RAP1GAP2: variants seen among roughly 807,000 people sequenced by gnomAD.
RAP1GAP2 encodes RAP1 GTPase activating protein 2.
A neutral mutation model predicts 95.0 loss-of-function variants in RAP1GAP2; 27 were observed. That is an observed-to-expected ratio of 0.28 (90% confidence interval 0.21 to 0.39). RAP1GAP2 has a LOEUF of 0.39. Among genes scored for constraint, RAP1GAP2 ranks in the 10% least tolerant of loss-of-function variants. The pLI, the probability that RAP1GAP2 is intolerant of heterozygous loss-of-function variation, is 1.00. For synonymous variants in RAP1GAP2, 373 were observed against 380.9 expected, an observed-to-expected ratio of 0.98 and a Z score of 0.24; for missense variants, 771 against 970.0, an observed-to-expected ratio of 0.79 and a Z score of 2.72.
rs980373306 is a variant in RAP1GAP2, at chr17:3,034,279, C to G, written c.*918C>G. ...GAGCAAAGGAGCCAGTGCTGAGATG[C>G]TGCTGTGTTGGTTGAGGAAAACCTC... On this transcript the variant is annotated 3_prime_UTR_variant, in exon 25 of 25. Transcript: ENST00000254695. This position sits in a 1 kb window ranked among gnomAD's most constrained non-coding sequence, Gnocchi z 5.1. 5.8e-6 allele frequency: 1 copy of G among 171,516 alleles called. No homozygotes were observed. Among genetic ancestry groups the G allele is most frequent in the East Asian group, 1.9e-4 (1 of 5,256 alleles). The allele number at this position is 171,516 out of a possible 1,614,324, so 10.6% of individuals were successfully genotyped here.
upstream of RAP1GAP2, among the ~76,000 whole-genome samples, chr17:2,792,233 G>A (rs373397836): frequency 2.0e-5 from 3 of 152,226 alleles, no homozygotes; most frequent in East Asian, 1.9e-4. Context: ...GCACATGGAA[G>A]AGGAATCACA....
At chr17:2,859,108 C>CTTTT (rs773356177) in intron 2 of RAP1GAP2, among the ~76,000 whole-genome samples, 1 of 130,500 alleles carries the variant, frequency 7.7e-6, no homozygotes, top group Non-Finnish European at 1.6e-5. Context: ...TCCTCCAACT[C>CTTTT]TTTTTTTTTT....
rs1045774112 is a variant in RAP1GAP2 at position 2,984,427 on chromosome 17, C to T, written c.730-556C>T. Among the ~76,000 whole-genome samples, 17 of 152,288 alleles carry T rather than the reference C, an allele frequency of 1.1e-4. 1 individual carries two copies. The highest frequency in any genetic ancestry group is 6.2e-4 in the South Asian group (3 of 4,820). ...CAGTCATCAACTCTATGATGCGTAA[C>T]GGAAAATTAGATAGAACCAGGAGTC... On this transcript the variant is annotated intron_variant, in intron 10 of 24. Transcript: ENST00000254695.
chr17:2,957,142 A>AG (rs1343734768), intron 3 of RAP1GAP2, among the ~76,000 whole-genome samples: 1 of 130,662 alleles, frequency 7.7e-6, no homozygotes, highest in African/African-American at 3.3e-5. Context: ...AAAAAAAAAA[A>AG]GAAAAAAAAA....
At chr17:2,812,687 G>A (rs1057202707) in intron 2 of RAP1GAP2, among the ~76,000 whole-genome samples, 2 of 152,128 alleles carry the variant, frequency 1.3e-5, no homozygotes, top group East Asian at 1.9e-4. Context: ...ACCTGGAGGT[G>A]CTTTTAAAAA....
intron 2 of RAP1GAP2, among the ~76,000 whole-genome samples, chr17:2,810,428 G>A (rs1180945198): frequency 2.0e-5 from 3 of 146,736 alleles, no homozygotes; most frequent in Admixed American, 6.8e-5. Context: ...TGTTACATAT[G>A]TATACATGTG....
intron 2 of RAP1GAP2, among the ~76,000 whole-genome samples, chr17:2,897,916 G>A (rs1030046625): frequency 2.0e-4 from 23 of 117,650 alleles, no homozygotes; most frequent in African/African-American, 6.3e-4. Context: ...CAATTTCTGC[G>A]GAGTCTTTTT....
chr17:2,965,366 C>T lies in RAP1GAP2; in HGVS notation c.493-174C>T, dbSNP rs555294823. ...ATTAAGCCCCTGGCACGGTGCCTGG[C>T]GCCTCCTGAGGATCCGGCCGTCGGT... On this transcript the variant is annotated intron_variant, in intron 7 of 24. Coordinates refer to ENST00000254695, the MANE Select transcript of RAP1GAP2 (RefSeq NM_015085.5). This position sits in a 1 kb window ranked among gnomAD's most constrained non-coding sequence, Gnocchi z 4.7. 1.0e-4 allele frequency: 61 copies of T among 607,660 alleles called. No individual in the cohort carries two copies. Among genetic ancestry groups the T allele is most frequent in the African/African-American group, 7.2e-4 (39 of 54,088 alleles). The allele number at this position is 607,660 out of a possible 1,614,324, so 37.6% of individuals were successfully genotyped here. A position where few individuals can be genotyped will look rare whatever the true frequency, so the allele number is the denominator to read the frequency against.
intron 3 of RAP1GAP2, among the ~76,000 whole-genome samples, chr17:2,951,761 C>A (rs920321837): frequency 1.3e-5 from 2 of 151,874 alleles, no homozygotes; most frequent in Non-Finnish European, 2.9e-5. Flanking sequence ...AGGCTGGGCG[C>A]AGTGGCTCAC....
chr17:3,015,145 G>A (rs1288883247), intron 17 of RAP1GAP2, among the ~76,000 whole-genome samples: 4 of 152,284 alleles, frequency 2.6e-5, no homozygotes, highest in African/African-American at 9.6e-5. Context: ...AATAGAACGC[G>A]CTGACTGTTT....
intron 12 of RAP1GAP2, among the ~76,000 whole-genome samples, chr17:2,992,742 G>A (rs1468774309): frequency 6.6e-6 from 1 of 152,068 alleles, no homozygotes; most frequent in African/African-American, 2.4e-5. Context: ...TTCCTTCTCT[G>A]TCCTTCCTTC....
intron 12 of RAP1GAP2, among the ~76,000 whole-genome samples, chr17:2,993,219 CA>C (rs201866665): frequency 0.14 from 15,234 of 105,436 alleles, 967 homozygotes; most frequent in East Asian, 0.29. Flanking sequence ...GAGACTCTGT[CA>C]AAAAAAAAAA....
intron 3 of RAP1GAP2, among the ~76,000 whole-genome samples, chr17:2,921,456 G>T (rs943625825): frequency 1.3e-5 from 2 of 152,110 alleles, no homozygotes; most frequent in Non-Finnish European, 2.9e-5. Flanking sequence ...ACCCGCCTCA[G>T]CCCCCCAAAG....
chr17:2,827,352 T>C lies in RAP1GAP2; in HGVS notation c.80+26802T>C, dbSNP rs1597384479. On this transcript the variant is annotated intron_variant, in intron 2 of 24. Transcript: ENST00000254695. This position sits in a 1 kb window ranked among gnomAD's most constrained non-coding sequence, Gnocchi z 4.1. ...GACCCTGTTGGGTTTTGTGGCACTT[T>C]CTAGTCAGGGAGGCAGATGAGAACA... Among the ~76,000 whole-genome samples, 1 of 152,094 alleles carries C rather than the reference T, an allele frequency of 6.6e-6. No homozygotes were observed. Among genetic ancestry groups the C allele is most frequent in the Admixed American group, 6.6e-5 (1 of 15,258 alleles).
intron 2 of RAP1GAP2, among the ~76,000 whole-genome samples, chr17:2,811,568 T>C (rs1292092057): frequency 6.6e-6 from 1 of 151,942 alleles, no homozygotes; most frequent in Admixed American, 6.6e-5. Context: ...TTTCTTTGTG[T>C]GTGTATTTTT....
Position 2,860,594 on chromosome 17 carries a change from C to CTTT in RAP1GAP2, c.81-44665_81-44663dup, listed in dbSNP as rs561492877. 6.1e-4 allele frequency among the ~76,000 whole-genome samples: 59 copies of CTTT among 96,056 alleles called. 5 individuals are homozygous for CTTT. The highest frequency in any genetic ancestry group is 1.4e-3 in the South Asian group (4 of 2,782). The allele number at this position is 96,056 out of a possible 152,430, so 63.0% of individuals were successfully genotyped here. On this transcript the variant is annotated intron_variant, in intron 2 of 24. Coordinates refer to ENST00000254695, the MANE Select transcript of RAP1GAP2 (RefSeq NM_015085.5). ...TAGACTTTCCATTATACTTATTTATCTTTTTTTTTTTTTTTTTTTTTTTTT... is the reference window on the plus strand; with the variant it reads ...TAGACTTTCCATTATACTTATTTATCTTTTTTTTTTTTTTTTTTTTTTTTTTTT...
At chr17:2,816,335 CTTAT>C (rs1033266728) in intron 2 of RAP1GAP2, among the ~76,000 whole-genome samples, 55 of 151,384 alleles carry the variant, frequency 3.6e-4, no homozygotes, top group Non-Finnish European at 1.0e-4. Context: ...ATCAAACCCT[CTTAT>C]TTATTTATTT....
At chr17:2,851,497 A>G (rs889393358) in intron 2 of RAP1GAP2, among the ~76,000 whole-genome samples, 2 of 152,014 alleles carry the variant, frequency 1.3e-5, no homozygotes, top group Non-Finnish European at 2.9e-5. Flanking sequence ...CTGTTTATGC[A>G]CCAAAGGTGG....
chr17:2,890,810 G>A (rs1364382454), intron 2 of RAP1GAP2, among the ~76,000 whole-genome samples: 1 of 150,556 alleles, frequency 6.6e-6, no homozygotes, highest in African/African-American at 2.4e-5. Context: ...TCAGCCTCCC[G>A]AGTAGCTGGG....
Sources: allele counts gnomAD v4.1 joint callset (sites outside exome capture counted in the v4.1 genomes callset), GRCh38; gene constraint gnomAD v4.1.1; non-coding constraint Gnocchi (gnomAD v3.1); transcripts MANE v1.5; gene names NCBI Gene and HGNC (gene_info 2026-07-23, HGNC 2026-07-21).